Variants in NR3C1 observed in about 807,000 individuals in gnomAD.
NR3C1 encodes nuclear receptor subfamily 3 group C member 1, also known as glucocorticoid receptor.
In NR3C1, 14 loss-of-function variants were observed where a neutral mutation model predicts 74.0. The observed-to-expected ratio is 0.19, with a 90% CI of 0.12 to 0.30. The LOEUF (loss-of-function observed/expected upper bound fraction) is 0.30. Among genes scored for constraint, NR3C1 ranks in the 10% least tolerant of loss-of-function variants. NR3C1 has a pLI of 1.00. For synonymous variants in NR3C1, 308 were observed against 332.5 expected (o/e 0.93, Z 0.80); for missense variants, 695 against 909.8 (o/e 0.76, Z 3.04).
At chr5:143,295,301 G>A (rs2151532256) in intron 7 of NR3C1, 159 bp downstream of exon 7, 1 of 1,365,556 alleles carries the variant, frequency 7.3e-7, no homozygotes, top group Non-Finnish European at 9.5e-7. Flanking sequence ...GTCACTTACT[G>A]TGCCTTTCTA....
At chr5:143,346,237 T>G (rs1317685399) in intron 2 of NR3C1, among the ~76,000 whole-genome samples, 1 of 152,218 alleles carries the variant, frequency 6.6e-6, no homozygotes, top group Non-Finnish European at 1.5e-5. Context: ...AGGGGCTGTG[T>G]CAGGGTCATT....
intron 7 of NR3C1, chr5:143,293,991 C>T (rs1816551061): frequency 1.0e-6 from 1 of 984,974 alleles, no homozygotes; most frequent in Non-Finnish European, 1.2e-6. Flanking sequence ...AACAAGTGTA[C>T]CGCTACAGGT....
Position 143,358,207 on chromosome 5 carries a change from C to T in NR3C1, c.1184+41449G>A, listed in dbSNP as rs192754975. ...TAAACATTTACTATATACAGAACTC[C>T]CCACCTAAGATGTTTTTTCTTAATC... On this transcript the variant is annotated intron_variant, in intron 2 of 8. Coordinates refer to ENST00000394464, the MANE Select transcript of NR3C1 (RefSeq NM_000176.3). 1.3e-3 allele frequency among the ~76,000 whole-genome samples: 200 copies of T among 152,250 alleles called. 1 individual carries two copies. Among genetic ancestry groups the T allele is most frequent in the Non-Finnish European group, 2.5e-3 (170 of 68,016 alleles).
At position 143,295,506 on chromosome 5, in the gene NR3C1, A is replaced by T; in HGVS notation, c.1977T>A (p.Ser659=). The T allele has an allele frequency of 6.2e-7, 1 of 1,613,282 alleles. No individual in the cohort carries two copies. Among genetic ancestry groups the T allele is most frequent in the South Asian group, 1.1e-5 (1 of 91,076 alleles). Reference sequence around the variant, plus strand: ...TTTTCATACAGAGATACTCTTCATAAGATACCTGAAGCCTGTGTAACTCAG... The same window carrying T: ...TTTTCATACAGAGATACTCTTCATATGATACCTGAAGCCTGTGTAACTCAG... ...VSSELHRLQV[S]YEEYLCMKTL... is the part of the protein sequence containing the mutation. Residue 659 remains serine (S), a synonymous_variant, in exon 7 of 9, where the codon TCT becomes TCA. Coordinates refer to ENST00000394464, the MANE Select transcript of NR3C1 (RefSeq NM_000176.3).
At chr5:143,402,566 A>G (rs1364850348) in intron 1 of NR3C1, 3 of 983,728 alleles carry the variant, frequency 3.0e-6, no homozygotes, top group African/African-American at 1.7e-5. Flanking sequence ...GGAGAAGAGA[A>G]AAAAGTGCGA....
At chr5:143,410,310 A>C (rs1243616210) in intron 1 of NR3C1, among the ~76,000 whole-genome samples, 2 of 152,086 alleles carry the variant, frequency 1.3e-5, no homozygotes, top group African/African-American at 4.8e-5. Context: ...ATATCTTCTT[A>C]TTAGAGCACA....
At chr5:143,367,867 CTCTT>C (rs773803550) in intron 2 of NR3C1, among the ~76,000 whole-genome samples, 14 of 152,128 alleles carry the variant, frequency 9.2e-5, no homozygotes, top group Non-Finnish European at 1.8e-4. Context: ...CTTCAATTGC[CTCTT>C]TTTTTCTTCC....
chr5:143,303,677 A>G (rs1268823893), intron 4 of NR3C1, among the ~76,000 whole-genome samples: 2 of 152,142 alleles, frequency 1.3e-5, no homozygotes, highest in Non-Finnish European at 2.9e-5. Flanking sequence ...AGATACAAAA[A>G]TCTTCAACAA....
chr5:143,425,923 C>T (rs951055166), intron 1 of NR3C1, among the ~76,000 whole-genome samples: 1 of 152,100 alleles, frequency 6.6e-6, no homozygotes, highest in African/African-American at 2.4e-5. Context: ...TGTACATGAA[C>T]GTTCATAACA....
At chr5:143,353,836 T>C (rs1830641880) in intron 2 of NR3C1, among the ~76,000 whole-genome samples, 1 of 152,192 alleles carries the variant, frequency 6.6e-6, no homozygotes, top group Non-Finnish European at 1.5e-5. Flanking sequence ...AGTCACCAAC[T>C]ACATTAGCCC....
intron 2 of NR3C1, among the ~76,000 whole-genome samples, chr5:143,319,952 C>G (rs1487926645): frequency 6.6e-6 from 1 of 152,200 alleles, no homozygotes; most frequent in East Asian, 1.9e-4. Context: ...ATGGACTATA[C>G]GGCTTAGTTA....
intron 2 of NR3C1, among the ~76,000 whole-genome samples, chr5:143,377,500 C>T (rs1835415174): frequency 6.6e-6 from 1 of 152,220 alleles, no homozygotes; most frequent in African/African-American, 2.4e-5. Context: ...TCAGCACCTG[C>T]TACAGTTAAT....
intron 1 of NR3C1, among the ~76,000 whole-genome samples, chr5:143,418,591 G>T (rs72802804): frequency 0.16 from 25,062 of 152,220 alleles, 2,325 homozygotes; most frequent in Middle Eastern, 0.35. Flanking sequence ...AATAAGGTAT[G>T]GCCCCTGCCC....
chr5:143,378,506 C>T (rs1835621529), intron 2 of NR3C1, among the ~76,000 whole-genome samples: 1 of 152,116 alleles, frequency 6.6e-6, no homozygotes, highest in Non-Finnish European at 1.5e-5. Flanking sequence ...CTTGTGTTCA[C>T]AAATAGATAA....
In NR3C1 at chr5:143,400,372, A is replaced by C. The variant is rs141093427; in HGVS notation, c.468T>G (p.Phe156Leu). The stretch of plus-strand genomic sequence containing the variant: ...AAGATACATCAGAGTGAGTTTTTGG[A>C]AACTCCTTCTCTGTGGGGGCAGCAG... ...AVSAAPTEKE[F>L]PKTHSDVSSE... Residue 156 changes from phenylalanine to leucine, a missense_variant, in exon 2 of 9, where the codon TTT (phenylalanine) becomes TTG (leucine). Transcript: ENST00000394464. The C allele has an allele frequency of 1.2e-6, 2 of 1,613,954 alleles. No homozygotes were observed. Among genetic ancestry groups the C allele is most frequent in the Non-Finnish European group, 1.7e-6 (2 of 1,180,020 alleles).
intron 1 of NR3C1, chr5:143,409,357 T>A (rs1220988497): frequency 6.6e-6 from 1 of 152,246 alleles, no homozygotes; most frequent in African/African-American, 2.4e-5. Context: ...TAGTCCGTGA[T>A]TCTTTGTCAT....
rs1458040701 is a variant in NR3C1, at chr5:143,295,626, T to C, written c.1893-36A>G. 3.2e-6 allele frequency: 5 copies of C among 1,551,918 alleles called. No individual in the cohort carries two copies. In the South Asian group the frequency reaches 5.6e-5, roughly 17 times the overall value. On this transcript the variant is annotated intron_variant, in intron 6 of 8. Transcript: ENST00000394464. ...TAAATAGCAGGGTATTAGTTAGAAATACTGCTACTTCCCCCCAAAAAGCAC... is the reference window on the plus strand; with the variant it reads ...TAAATAGCAGGGTATTAGTTAGAAACACTGCTACTTCCCCCCAAAAAGCAC...
At chr5:143,352,150 A>G (rs2151787749) in intron 2 of NR3C1, among the ~76,000 whole-genome samples, 1 of 152,260 alleles carries the variant, frequency 6.6e-6, no homozygotes, top group Non-Finnish European at 1.5e-5. Context: ...ATGCACACAC[A>G]ATGCGGTATG....
chr5:143,309,380 T>C (rs1207892241), intron 4 of NR3C1, among the ~76,000 whole-genome samples: 1 of 152,214 alleles, frequency 6.6e-6, no homozygotes, highest in Non-Finnish European at 1.5e-5. Context: ...CACTGTTGTG[T>C]GCATTCAGGT....
Sources: gnomAD v4.1 joint callset for allele counts (sites outside exome capture counted in the v4.1 genomes callset) on GRCh38, gnomAD v4.1.1 for gene constraint, MANE v1.5 for transcripts, NCBI Gene and HGNC (gene_info 2026-07-23, HGNC 2026-07-21) for gene names.